Variants in AHNAK observed in about 807,000 individuals in gnomAD.
The protein encoded by AHNAK is AHNAK nucleoprotein, also known as neuroblast differentiation-associated protein AHNAK.
In AHNAK, 23 loss-of-function variants were observed where a neutral mutation model predicts 37.8. That is an observed-to-expected ratio of 0.61 (90% CI 0.44 to 0.86). The LOEUF is 0.86. AHNAK is among the 40% of genes least tolerant of loss of function. The pLI is 0.00. For missense variants in AHNAK, 7,411 were observed against 7,319.4 expected (o/e 1.01, Z -0.46); for synonymous variants, 2,481 against 2,636.3 (o/e 0.94, Z 1.80).
At chr11:62,465,884 C>T (rs972866946) in intron 5 of AHNAK, among the ~76,000 whole-genome samples, 1 of 152,182 alleles carries the variant, frequency 6.6e-6, no homozygotes, top group Non-Finnish European at 1.5e-5. Context: ...GAACATGACC[C>T]TGCTAGCACT....
intron 5 of AHNAK, among the ~76,000 whole-genome samples, chr11:62,464,963 A>G (rs188802957): frequency 1.3e-5 from 2 of 152,332 alleles, no homozygotes; most frequent in East Asian, 3.9e-4. Flanking sequence ...CTGGACAGAC[A>G]CAGTCGGGAA....
chr11:62,546,420 AGC>A (rs892318793), intron 1 of AHNAK, among the ~76,000 whole-genome samples: 1 of 152,348 alleles, frequency 6.6e-6, no homozygotes, highest in Admixed American at 6.5e-5. Context: ...AGTGGAGCAA[AGC>A]ACTTCGGAGC....
At chr11:62,500,005 C>T (rs1939684740) in intron 4 of AHNAK, among the ~76,000 whole-genome samples, 1 of 152,206 alleles carries the variant, frequency 6.6e-6, no homozygotes, top group Non-Finnish European at 1.5e-5. Flanking sequence ...TCCTCTGTCC[C>T]CCACACCAGA....
At chr11:62,445,261 T>G (rs1938400056) in intron 5 of AHNAK, among the ~76,000 whole-genome samples, 1 of 152,192 alleles carries the variant, frequency 6.6e-6, no homozygotes, top group Non-Finnish European at 1.5e-5. Context: ...ACATTCCCGC[T>G]AAGAACTTCT....
At chr11:62,483,347 T>C (rs1368837014) in intron 5 of AHNAK, among the ~76,000 whole-genome samples, 1 of 152,178 alleles carries the variant, frequency 6.6e-6, no homozygotes, top group Non-Finnish European at 1.5e-5. Context: ...AGAGAACTGG[T>C]GGAAACAGAG....
chr11:62,462,788 T>A (rs879567429), intron 5 of AHNAK, among the ~76,000 whole-genome samples: 1 of 152,146 alleles, frequency 6.6e-6, no homozygotes, highest in Admixed American at 6.6e-5. Context: ...TAGCCCTTAG[T>A]AGAAGAAATA....
rs750356687 is a variant in AHNAK at position 62,524,834 on chromosome 11, T to C, written c.9583A>G (p.Ile3195Val). The C allele has an allele frequency of 1.2e-6, 2 of 1,614,200 alleles. No homozygotes were observed. The highest frequency in any genetic ancestry group is 1.7e-5 in the Admixed American group (1 of 60,030). ...KVDVDVPDVN[I>V]EGPDAKLKGP... ...TTCAGTTTCGCATCTGGACCTTCAATATTCACATCTGGAACATCAACGTCC... is the reference window on the plus strand; with the variant it reads ...TTCAGTTTCGCATCTGGACCTTCAACATTCACATCTGGAACATCAACGTCC... The change falls in exon 5 of 5, where the codon ATT becomes GTT. Residue 3195 changes from isoleucine (I) to valine (V), a missense_variant. By Grantham distance (29) the Ile-to-Val change is conservative (BLOSUM62 3). Coordinates refer to ENST00000378024, the MANE Select transcript of AHNAK (RefSeq NM_001620.3).
At chr11:62,535,247 C>G (rs1036608705) in intron 3 of AHNAK, 57 bp from the exon 4 acceptor site, 1 of 1,471,526 alleles carries the variant, frequency 6.8e-7, no homozygotes, top group African/African-American at 1.4e-5. Flanking sequence ...GGAAACCGCA[C>G]ACAGCCACCA....
chr11:62,523,733 C>T lies in AHNAK; in HGVS notation c.10684G>A (p.Asp3562Asn), dbSNP rs1244788278. 1 of 1,613,612 alleles carries T rather than the reference C, an allele frequency of 6.2e-7. No homozygotes were observed. The highest frequency in any genetic ancestry group is 1.3e-5 in the African/African-American group (1 of 74,764). ...LKGPKVKGDV[D>N]ISLPKLEGDL... ...CCTTCAAGTTTGGGAAGAGAAATAT[C>T]CACATCACCTTTCACCTTGGGGCCT... Residue 3562 changes from aspartate to asparagine, a missense_variant, in exon 5 of 5, where the codon GAT becomes AAT. By Grantham distance (23) the Asp-to-Asn change is conservative (BLOSUM62 1). Coordinates refer to ENST00000378024, the MANE Select transcript of AHNAK (RefSeq NM_001620.3).
chr11:62,507,248 C>A (rs7951639), intron 4 of AHNAK, among the ~76,000 whole-genome samples: 15,053 of 152,126 alleles, frequency 0.099, 1,771 homozygotes, highest in African/African-American at 0.28. Context: ...CTTGGACATC[C>A]TGCTTAACTT....
At chr11:62,493,332 C>CTTTTTTTTTTTTT (rs538984724) in intron 4 of AHNAK, among the ~76,000 whole-genome samples, 2 of 122,918 alleles carry the variant, frequency 1.6e-5, no homozygotes, top group African/African-American at 2.8e-5. Flanking sequence ...TTCTTTCTTT[C>CTTTTTTTTTTTTT]TTTTTTTTTT....
downstream of AHNAK, among the ~76,000 whole-genome samples, chr11:62,515,547 C>T (rs1207439217): frequency 2.0e-5 from 3 of 152,226 alleles, no homozygotes; most frequent in South Asian, 2.1e-4. Context: ...AATGGCAGAG[C>T]GGTGATTCAC....
chr11:62,511,405 A>C (rs1324160863), downstream of AHNAK, among the ~76,000 whole-genome samples: 1 of 152,134 alleles, frequency 6.6e-6, no homozygotes, highest in Non-Finnish European at 1.5e-5. Context: ...GGCATGTGCC[A>C]CCACGTCCAG....
Position 62,519,183 on chromosome 11 carries a change from G to C in AHNAK, c.15234C>G (p.Pro5078=), listed in dbSNP as rs1333022373. 4 of 1,613,218 alleles carry C rather than the reference G, an allele frequency of 2.5e-6. No individual in the cohort carries two copies. Among genetic ancestry groups the C allele is most frequent in the South Asian group, 1.1e-5 (1 of 90,882 alleles). Reference sequence around the variant, plus strand: ...TTCCAAACATCGTTTTCTTGGTTTTGGGCGATTTCACGTCGACTTTGAGTG... The same window carrying C: ...TTCCAAACATCGTTTTCTTGGTTTTCGGCGATTTCACGTCGACTTTGAGTG... The part of the protein sequence containing the change: ...DAALKVDVKS[P]KTKKTMFGKM... The change falls in exon 5 of 5, where the codon CCC becomes CCG. Residue 5078 remains proline, a synonymous_variant. Transcript: ENST00000378024.
rs755518764 is a variant in AHNAK, at chr11:62,528,657, G to A, written c.5760C>T (p.Pro1920=). Residue 1920 remains proline, a synonymous_variant, in exon 5 of 5, where the codon CCC becomes CCT. Coordinates refer to ENST00000378024, the MANE Select transcript of AHNAK (RefSeq NM_001620.3). The part of the protein sequence containing the change: ...FKMPDMHFKA[P]KISMPDVDLH... ...AGTCCACATCAGGCATGGAGATCTT[G>A]GGGGCCTTGAAGTGCATGTCTGGCA... 4.4e-5 allele frequency: 71 copies of A among 1,609,778 alleles called. No individual in the cohort carries two copies. The Admixed American group carries it at 1.2e-3, about 27-fold the overall frequency.
chr11:62,451,438 C>T lies in AHNAK; in HGVS notation c.443-17547G>A, dbSNP rs190879770. Among the ~76,000 whole-genome samples the T allele has an allele frequency of 8.4e-5, 12 of 142,256 alleles. No homozygotes were observed. In the East Asian group the frequency reaches 2.4e-3, roughly 28 times the overall value. 93.3% of individuals were successfully genotyped at this position (142,256 alleles called of 152,430 possible). ...GATTATCTCAAAGATAAAAAATCTTCCATCTAAAAAAAAAATTGGCCAGGC... is the reference window on the plus strand; with the variant it reads ...GATTATCTCAAAGATAAAAAATCTTTCATCTAAAAAAAAAATTGGCCAGGC... On this transcript the variant is annotated intron_variant, in intron 5 of 5. Coordinates refer to the AHNAK transcript ENST00000257247.
At chr11:62,510,713 C>T (rs1939893713) in intron 4 of AHNAK, among the ~76,000 whole-genome samples, 1 of 151,944 alleles carries the variant, frequency 6.6e-6, no homozygotes, top group South Asian at 2.1e-4. Context: ...CACTTCACTC[C>T]AGCCTGGGCA....
intron 5 of AHNAK, among the ~76,000 whole-genome samples, chr11:62,442,113 T>C (rs1938318788): frequency 6.6e-6 from 1 of 152,198 alleles, no homozygotes; most frequent in Non-Finnish European, 1.5e-5. Flanking sequence ...GTGTTCAAGA[T>C]TATATCAAAG....
chr11:62,473,434 G>A (rs183031610), intron 5 of AHNAK, among the ~76,000 whole-genome samples: 97 of 139,152 alleles, frequency 7.0e-4, no homozygotes, highest in African/African-American at 2.4e-3. Flanking sequence ...GGTGGCTCAC[G>A]CCTGTAATCC....
Sources: allele counts gnomAD v4.1 joint callset (sites outside exome capture counted in the v4.1 genomes callset), GRCh38; gene constraint gnomAD v4.1.1; transcripts MANE v1.5; gene names NCBI Gene and HGNC (gene_info 2026-07-23, HGNC 2026-07-21).